The following EPHA5 variants were observed in gnomAD, a reference collection of about 807,000 sequenced individuals.
EPHA5 encodes the protein EPH receptor A5.
A neutral mutation model predicts 105.0 loss-of-function variants in EPHA5; 60 were observed. That is an observed-to-expected ratio of 0.57 (90% CI 0.46 to 0.71). EPHA5 has a LOEUF of 0.71. Ranked by LOEUF, EPHA5 falls within the 30% of genes least tolerant of loss-of-function variation. The pLI, the probability that EPHA5 is intolerant of heterozygous loss-of-function variation, is 0.00. For synonymous variants in EPHA5, 513 were observed against 449.1 expected, an observed-to-expected ratio of 1.14 and a Z score of -1.80; for missense variants, 1,218 against 1,274.7, an observed-to-expected ratio of 0.96 and a Z score of 0.68.
chr4:65,528,849 C>T (rs746965447), intron 3 of EPHA5, among the ~76,000 whole-genome samples: 5 of 151,928 alleles, frequency 3.3e-5, no homozygotes, highest in East Asian at 1.9e-4. Flanking sequence ...CATTAATGCT[C>T]GGAAATAATA....
chr4:65,638,678 G>A (rs1283543253), intron 2 of EPHA5, among the ~76,000 whole-genome samples: 1 of 152,202 alleles, frequency 6.6e-6, no homozygotes, highest in Non-Finnish European at 1.5e-5. Context: ...GGCGGAGGTT[G>A]CGGTGAGTTG....
intron 13 of EPHA5, among the ~76,000 whole-genome samples, chr4:65,350,214 A>C (rs7441597): frequency 0.65 from 99,074 of 151,846 alleles, 32,853 homozygotes; most frequent in East Asian, 0.81. Flanking sequence ...TCATGTAATG[A>C]AAATAATGAC....
intron 2 of EPHA5, among the ~76,000 whole-genome samples, chr4:65,605,598 GGGT>G (rs2149447687): frequency 6.6e-6 from 1 of 152,140 alleles, no homozygotes; most frequent in South Asian, 2.1e-4. Context: ...AAGTTATTAG[GGGT>G]GCCCATTATC....
intron 16 of EPHA5, among the ~76,000 whole-genome samples, chr4:65,324,923 A>G (rs1160301088): frequency 6.6e-6 from 1 of 151,204 alleles, no homozygotes; most frequent in East Asian, 2.0e-4. Flanking sequence ...AAATTTACAA[A>G]TATTTAGATT....
intron 3 of EPHA5, among the ~76,000 whole-genome samples, chr4:65,576,057 A>AGAAAGAAAGAAAGAAAG (rs1560721043): frequency 1.8e-4 from 13 of 70,964 alleles, no homozygotes; most frequent in East Asian, 1.4e-3. Flanking sequence ...AAAGAAAGAA[A>AGAAAGAAAGAAAGAAAG]GAAAAGAAAA....
At chr4:65,372,000 A>C (rs938436683) in intron 8 of EPHA5, among the ~76,000 whole-genome samples, 6 of 151,988 alleles carry the variant, frequency 3.9e-5, no homozygotes, top group Admixed American at 3.9e-4. Flanking sequence ...TTCAAAAAGC[A>C]ACAAATTACA....
chr4:65,524,852 C>A (rs1324792646), intron 3 of EPHA5, among the ~76,000 whole-genome samples: 1 of 151,600 alleles, frequency 6.6e-6, no homozygotes. Flanking sequence ...GTAAATATGG[C>A]AGATCTAGTA....
At chr4:65,644,536 A>C (rs1435424666) in intron 1 of EPHA5, among the ~76,000 whole-genome samples, 1 of 152,062 alleles carries the variant, frequency 6.6e-6, no homozygotes, top group East Asian at 1.9e-4. Flanking sequence ...TTCTAAAAGG[A>C]TGATTCTTTG....
chr4:65,659,028 G>A (rs1749309713), intron 1 of EPHA5, among the ~76,000 whole-genome samples: 1 of 151,820 alleles, frequency 6.6e-6, no homozygotes, highest in Non-Finnish European at 1.5e-5. Context: ...GCATCCAAAG[G>A]GTTGGCTTGG....
chr4:65,462,270 C>A (rs1728199493), intron 5 of EPHA5, among the ~76,000 whole-genome samples: 1 of 152,106 alleles, frequency 6.6e-6, no homozygotes, highest in African/African-American at 2.4e-5. Flanking sequence ...TCTTTCCCCT[C>A]AGTAAGAAGA....
chr4:65,389,207 T>C (rs947546030), intron 8 of EPHA5, among the ~76,000 whole-genome samples: 2 of 152,076 alleles, frequency 1.3e-5, no homozygotes, highest in African/African-American at 4.8e-5. Context: ...TGTCTATTGC[T>C]TAAATAGTTA....
intron 5 of EPHA5, among the ~76,000 whole-genome samples, chr4:65,474,635 A>T (rs1014082808): frequency 5.3e-5 from 8 of 151,862 alleles, no homozygotes; most frequent in Non-Finnish European, 7.4e-5. Flanking sequence ...TCTTCAAAAA[A>T]CCTCCTCAAG....
At chr4:65,528,163 C>T (rs1197986325) in intron 3 of EPHA5, among the ~76,000 whole-genome samples, 1 of 107,982 alleles carries the variant, frequency 9.3e-6, no homozygotes, top group African/African-American at 3.5e-5. Context: ...AGAGAAAAAG[C>T]TTGCTGTAGA....
intron 14 of EPHA5, among the ~76,000 whole-genome samples, chr4:65,345,494 T>C (rs1722126601): frequency 6.6e-6 from 1 of 152,224 alleles, no homozygotes; most frequent in Non-Finnish European, 1.5e-5. Flanking sequence ...GCACTGCTAG[T>C]GCATCCAATA....
chr4:65,336,218 C>T (rs1218172505), intron 14 of EPHA5, 93 bp from the exon 15 acceptor site: 2 of 960,196 alleles, frequency 2.1e-6, no homozygotes, highest in East Asian at 5.9e-5. Flanking sequence ...TTTATCCTTT[C>T]TTATCCTTAC....
At chr4:65,400,044 T>C (rs1185449840) in intron 8 of EPHA5, among the ~76,000 whole-genome samples, 2 of 152,172 alleles carry the variant, frequency 1.3e-5, no homozygotes, top group African/African-American at 4.8e-5. Context: ...TTTATATCAA[T>C]AATCATATTT....
rs1719670190 is a variant in EPHA5, at chr4:65,321,948, A to C, written c.*2166T>G. On this transcript the variant is annotated 3_prime_UTR_variant, in exon 17 of 17. Coordinates refer to ENST00000613740, the MANE Select transcript of EPHA5 (RefSeq NM_001281766.3). ...ACTTAGATTGGAATATTTCTATAAA[A>C]TTCAATAAAGTGCCACATAATCATC... The C allele has an allele frequency of 4.4e-6, 1 of 226,182 alleles. No homozygotes were observed. The highest frequency in any genetic ancestry group is 8.8e-6 in the Non-Finnish European group (1 of 113,616). 14.0% of individuals were successfully genotyped at this position (226,182 alleles called of 1,614,324 possible).
At chr4:65,651,331 T>C (rs540987107) in intron 1 of EPHA5, among the ~76,000 whole-genome samples, 1 of 152,314 alleles carries the variant, frequency 6.6e-6, no homozygotes, top group South Asian at 2.1e-4. Context: ...AAAATCAATG[T>C]TGTTGCTTAA....
intron 3 of EPHA5, among the ~76,000 whole-genome samples, chr4:65,579,668 T>C (rs1741423381): frequency 6.6e-6 from 1 of 151,894 alleles, no homozygotes. Flanking sequence ...ATTGACTAAT[T>C]GCTTGAGTCT....
Sources: gnomAD v4.1 joint callset for allele counts (sites outside exome capture counted in the v4.1 genomes callset) on GRCh38, gnomAD v4.1.1 for gene constraint, MANE v1.5 for transcripts, NCBI Gene and HGNC (gene_info 2026-07-23, HGNC 2026-07-21) for gene names.